The following SERPIND1 variants were observed in gnomAD, a reference collection of about 807,000 sequenced individuals.
The protein encoded by SERPIND1 is heparin cofactor 2.
Under a neutral mutation model 35.0 loss-of-function variants are expected in SERPIND1, and 34 were observed. That is an observed-to-expected ratio of 0.97 (90% CI 0.74 to 1.29). The LOEUF is 1.29. Among genes scored for constraint, SERPIND1 ranks in the 50% most tolerant of loss-of-function variants. The pLI is 0.00. For missense variants in SERPIND1, 633 were observed against 637.7 expected, an observed-to-expected ratio of 0.99 and a Z score of 0.08; for synonymous variants, 236 against 241.1, an observed-to-expected ratio of 0.98 and a Z score of 0.19.
Position 20,784,023 on chromosome 22 carries a change from G to A in SERPIND1, c.941G>A (p.Arg314Gln), listed in dbSNP as rs142500721. ...GAAATGACACACAACCACAACTTCC[G>A]GCTGAATGAGAGAGAGGTAGTTAAG... is the stretch of plus-strand genomic sequence containing the variant. ...PVEMTHNHNF[R>Q]LNEREVVKVS... Residue 314 changes from arginine (R) to glutamine (Q), a missense_variant, in exon 3 of 5, where the codon CGG becomes CAG. Physicochemically the swap from Arg to Gln is conservative, Grantham distance 43. Transcript: ENST00000215727. The A allele has an allele frequency of 4.3e-5, 69 of 1,613,972 alleles. 1 individual carries two copies. The Middle Eastern group carries it at 1.8e-3, about 42-fold the overall frequency.
At position 20,779,600 on chromosome 22, in the gene SERPIND1, C is replaced by T. The variant is rs1453132581; in HGVS notation, c.288C>T (p.Val96=). The change falls in exon 2 of 5, where the codon GTC becomes GTT. Residue 96 remains valine (V), a synonymous_variant. Transcript: ENST00000215727. ...AAGACGACGACTACATCGACATCGT[C>T]GACAGTCTGTCAGTTTCCCCGACAG... ...FSEDDDYIDI[V]DSLSVSPTDS... 1.9e-6 allele frequency: 3 copies of T among 1,614,082 alleles called. No individual in the cohort carries two copies. The highest frequency in any genetic ancestry group is 1.3e-5 in the African/African-American group (1 of 75,044).
rs1264921738 is a variant in SERPIND1 at position 20,774,408 on chromosome 22, T to A, written c.-17+263T>A. Among the ~76,000 whole-genome samples the A allele has an allele frequency of 3.9e-5, 6 of 152,228 alleles. No homozygotes were observed. In the East Asian group the frequency reaches 1.2e-3, roughly 29 times the overall value. ...TTAAATTAATCGAATTGGATAACTG[T>A]CCTGTGATTATGTATGAGAATATCC... On this transcript the variant is annotated intron_variant, in intron 1 of 4. Transcript: ENST00000215727.
rs557617163 is a variant in SERPIND1 at position 20,777,747 on chromosome 22, G to A, written c.-16-1550G>A. Among the ~76,000 whole-genome samples, 3 of 152,260 alleles carry A rather than the reference G, an allele frequency of 2.0e-5. No homozygotes were observed. The South Asian group carries it at 6.2e-4, about 32-fold the overall frequency. Reference sequence around the variant, plus strand: ...TATGGTCACTGTCCTGGCAAAACATGGAATCATCAAAGCTCATCTAACCAG... The same window carrying A: ...TATGGTCACTGTCCTGGCAAAACATAGAATCATCAAAGCTCATCTAACCAG... On this transcript the variant is annotated intron_variant, in intron 1 of 4. Coordinates refer to ENST00000215727, the MANE Select transcript of SERPIND1 (RefSeq NM_000185.4).
rs1038074462 is a variant in SERPIND1, at chr22:20,787,159, C to T, written c.*93C>T. Reference sequence around the variant, plus strand: ...AACAGAGATGTTCTGGCATCATTTACGTAGTTTACGCTACCAATCTGAATT... The same window carrying T: ...AACAGAGATGTTCTGGCATCATTTATGTAGTTTACGCTACCAATCTGAATT... On this transcript the variant is annotated 3_prime_UTR_variant, in exon 5 of 5. Coordinates refer to ENST00000215727, the MANE Select transcript of SERPIND1 (RefSeq NM_000185.4). The T allele has an allele frequency of 1.0e-5, 12 of 1,163,984 alleles. No individual in the cohort carries two copies. Among genetic ancestry groups the T allele is most frequent in the East Asian group, 7.1e-5 (3 of 42,188 alleles). 72.1% of individuals were successfully genotyped at this position (1,163,984 alleles called of 1,614,324 possible). A position where few individuals can be genotyped will look rare whatever the true frequency, so the allele number is the denominator to read the frequency against.
intron 3 of SERPIND1, among the ~76,000 whole-genome samples, 180 bp from the exon 4 acceptor site, chr22:20,785,824 G>C (rs778844783): frequency 3.9e-5 from 6 of 152,118 alleles, no homozygotes; most frequent in Non-Finnish European, 7.4e-5. Context: ...TTTCAGTAGC[G>C]GAATTACAAA....
intron 2 of SERPIND1, 100 bp downstream of exon 2, chr22:20,780,301 T>A: frequency 5.7e-6 from 9 of 1,566,094 alleles, no homozygotes; most frequent in Non-Finnish European, 7.9e-6. Flanking sequence ...CTATAATTTA[T>A]CCAGGAAAAC....
intron 4 of SERPIND1, 109 bp downstream of exon 4, chr22:20,786,257 GGT>G: frequency 7.9e-7 from 1 of 1,273,480 alleles, no homozygotes; most frequent in Non-Finnish European, 1.1e-6. Flanking sequence ...CCCAGCTTGG[GGT>G]GCTGAGTCTG....
intron 1 of SERPIND1, among the ~76,000 whole-genome samples, chr22:20,774,897 G>C (rs1207953028): frequency 4.6e-5 from 7 of 152,054 alleles, no homozygotes; most frequent in African/African-American, 1.2e-4. Flanking sequence ...CACACACACA[G>C]ATAATGACAG....
At chr22:20,785,969 A>C in intron 3 of SERPIND1, 35 bp from the exon 4 acceptor site, 1 of 1,614,156 alleles carries the variant, frequency 6.2e-7, no homozygotes, top group Non-Finnish European at 8.5e-7. Context: ...CTTGTGGTTC[A>C]ATAAAACTGG....
chr22:20,778,355 T>G (rs764819667), intron 1 of SERPIND1, among the ~76,000 whole-genome samples: 8 of 151,866 alleles, frequency 5.3e-5, no homozygotes, highest in Non-Finnish European at 1.0e-4. Context: ...AATACAAAAA[T>G]TAACCAGGCG....
At chr22:20,779,063 G>T (rs1569022402) in intron 1 of SERPIND1, 2 of 942,758 alleles carry the variant, frequency 2.1e-6, no homozygotes, top group African/African-American at 1.7e-5. Flanking sequence ...TTAAAGAAGG[G>T]ATTTTCATCA....
Position 20,780,018 on chromosome 22 carries a change from T to C in SERPIND1, c.706T>C (p.Phe236Leu), listed in dbSNP as rs551137262. The change falls in exon 2 of 5, where the codon TTC (phenylalanine) becomes CTC (leucine). Residue 236 changes from phenylalanine to leucine, a missense_variant. Physicochemically the swap from Phe to Leu is conservative, Grantham distance 22. Coordinates refer to ENST00000215727, the MANE Select transcript of SERPIND1 (RefSeq NM_000185.4). ...IQKQFPILLDFKTKVREYYFA... is the reference protein window; with the variant it reads ...IQKQFPILLDLKTKVREYYFA... ...GAAGCAGTTTCCAATCCTGCTTGAC[T>C]TCAAAACTAAAGTAAGAGAGTATTA... The C allele has an allele frequency of 5.0e-6, 8 of 1,614,064 alleles. No individual in the cohort carries two copies. Among genetic ancestry groups the C allele is most frequent in the African/African-American group, 1.3e-5 (1 of 74,922 alleles).
At chr22:20,783,245 A>T (rs1933934914) in intron 2 of SERPIND1, among the ~76,000 whole-genome samples, 1 of 152,168 alleles carries the variant, frequency 6.6e-6, no homozygotes, top group South Asian at 2.1e-4. Flanking sequence ...GCAACATGGC[A>T]TCACCCAAAT....
At chr22:20,777,858 C>T (rs1217728507) in intron 1 of SERPIND1, among the ~76,000 whole-genome samples, 1 of 152,188 alleles carries the variant, frequency 6.6e-6, no homozygotes, top group Non-Finnish European at 1.5e-5. Context: ...GTCAGATCCT[C>T]CTCTGAACGA....
At chr22:20,780,636 C>A (rs929631218) in intron 2 of SERPIND1, among the ~76,000 whole-genome samples, 2 of 151,918 alleles carry the variant, frequency 1.3e-5, no homozygotes, top group African/African-American at 4.8e-5. Flanking sequence ...ATTAGCTGGG[C>A]CTGGCGGTGG....
At chr22:20,783,307 CA>C (rs200714843) in intron 2 of SERPIND1, among the ~76,000 whole-genome samples, 3,730 of 152,148 alleles carry the variant, frequency 0.025, 53 homozygotes, top group Non-Finnish European at 0.04. Flanking sequence ...GCCATCAAGA[CA>C]GAGCTGAGGC....
intron 1 of SERPIND1, chr22:20,779,055 A>T: frequency 4.5e-6 from 4 of 883,210 alleles, no homozygotes; most frequent in African/African-American, 1.7e-5. Context: ...GCAAACCTTT[A>T]AAGAAGGGAT....
intron 3 of SERPIND1, 152 bp from the exon 4 acceptor site, chr22:20,785,852 A>G (rs998021496): frequency 1.8e-6 from 2 of 1,101,494 alleles, no homozygotes; most frequent in African/African-American, 3.1e-5. Flanking sequence ...GCTTCCTAAA[A>G]TCCTCAACTG....
chr22:20,780,713 T>C (rs975969830), intron 2 of SERPIND1, among the ~76,000 whole-genome samples: 11 of 145,368 alleles, frequency 7.6e-5, no homozygotes, highest in African/African-American at 2.9e-4. Context: ...AAGGCAGAGA[T>C]TGCAGTGAGC....
Sources: gnomAD v4.1 joint callset for allele counts (sites outside exome capture counted in the v4.1 genomes callset) on GRCh38, gnomAD v4.1.1 for gene constraint, MANE v1.5 for transcripts, NCBI Gene and HGNC (gene_info 2026-07-23, HGNC 2026-07-21) for gene names.